Variants in ANKRD33B observed in about 807,000 individuals in gnomAD.
The protein encoded by ANKRD33B is ankyrin repeat domain 33B.
Under a neutral mutation model 21.5 loss-of-function variants are expected in ANKRD33B, and 6 were observed. The ratio of observed to expected loss-of-function variants is 0.28; its 90% CI spans 0.15 to 0.55. The LOEUF (loss-of-function observed/expected upper bound fraction) is 0.55. Among genes scored for constraint, ANKRD33B ranks in the 20% least tolerant of loss-of-function variants. ANKRD33B has a pLI of 0.94. For synonymous variants in ANKRD33B, 347 were observed against 342.4 expected (o/e 1.01, Z -0.15); for missense variants, 698 against 747.2 (o/e 0.93, Z 0.77).
chr5:10,582,118 C>T (rs1011604559), intron 1 of ANKRD33B, among the ~76,000 whole-genome samples: 3 of 152,210 alleles, frequency 2.0e-5, no homozygotes, highest in African/African-American at 2.4e-5. Flanking sequence ...TCCTTCTTAA[C>T]GTATTCCTTT....
chr5:10,609,702 G>T (rs540885775), intron 1 of ANKRD33B, among the ~76,000 whole-genome samples: 178 of 152,114 alleles, frequency 1.2e-3, no homozygotes, highest in African/African-American at 4.1e-3. Flanking sequence ...TGAGGTCAGG[G>T]GTTCGAGACC....
intron 1 of ANKRD33B, among the ~76,000 whole-genome samples, chr5:10,570,903 C>CT (rs11301499): frequency 0.014 from 1,771 of 126,764 alleles, 24 homozygotes; most frequent in African/African-American, 0.041. Context: ...CTCAAATAAC[C>CT]TTTTTTTTTT....
Position 10,639,144 on chromosome 5 carries a change from A to C in ANKRD33B, c.637+976A>C, listed in dbSNP as rs865888852. Among the ~76,000 whole-genome samples the C allele has an allele frequency of 3.3e-4, 18 of 55,038 alleles. 1 individual carries two copies. Among genetic ancestry groups the C allele is most frequent in the East Asian group, 1.2e-3 (2 of 1,672 alleles). 36.1% of individuals were successfully genotyped at this position (55,038 alleles called of 152,430 possible). On this transcript the variant is annotated intron_variant, in intron 3 of 3. Transcript: ENST00000296657. The stretch of plus-strand genomic sequence containing the variant: ...GCGGCGATGTTAGCGGGTGACGCGG[A>C]GTTGCGCGGCGATGTTAGCGGGTGA...
intron 1 of ANKRD33B, among the ~76,000 whole-genome samples, chr5:10,578,425 G>A (rs910559779): frequency 6.6e-6 from 1 of 152,202 alleles, no homozygotes; most frequent in Non-Finnish European, 1.5e-5. Context: ...TATCTGGAAG[G>A]AAGCACTGGA....
intron 1 of ANKRD33B, among the ~76,000 whole-genome samples, chr5:10,592,814 T>C (rs950755922): frequency 3.3e-5 from 5 of 152,098 alleles, no homozygotes; most frequent in African/African-American, 1.2e-4. Context: ...CTACTCTTGG[T>C]TTGTCCATTT....
intron 1 of ANKRD33B, among the ~76,000 whole-genome samples, chr5:10,617,015 C>T (rs911590813): frequency 6.6e-6 from 1 of 152,192 alleles, no homozygotes; most frequent in African/African-American, 2.4e-5. Flanking sequence ...GTAGACTTCT[C>T]TCTGTGTCCT....
At chr5:10,633,174 T>C (rs921318913) in intron 2 of ANKRD33B, among the ~76,000 whole-genome samples, 1 of 149,276 alleles carries the variant, frequency 6.7e-6, no homozygotes, top group Non-Finnish European at 1.5e-5. Context: ...CAATCTTGGC[T>C]CACCGCAACC....
chr5:10,649,145 TAGG>T (rs1737258176), intron 3 of ANKRD33B, 118 bp from the exon 4 acceptor site: 1 of 1,421,914 alleles, frequency 7.0e-7, no homozygotes. Flanking sequence ...TGCAGTCTGT[TAGG>T]AGGCTTGGGG....
At chr5:10,567,094 G>A (rs1735079268) in intron 1 of ANKRD33B, among the ~76,000 whole-genome samples, 1 of 152,184 alleles carries the variant, frequency 6.6e-6, no homozygotes, top group Admixed American at 6.5e-5. Flanking sequence ...ATGTAGGCCC[G>A]GACATAGCCT....
chr5:10,615,960 C>G (rs995872620), intron 1 of ANKRD33B, among the ~76,000 whole-genome samples: 4 of 152,160 alleles, frequency 2.6e-5, no homozygotes, highest in Non-Finnish European at 4.4e-5. Context: ...TTAAGTAGAG[C>G]CTGCCTGCAG....
At chr5:10,571,878 G>A (rs1046179852) in intron 1 of ANKRD33B, among the ~76,000 whole-genome samples, 2 of 133,234 alleles carry the variant, frequency 1.5e-5, no homozygotes, top group African/African-American at 5.5e-5. Flanking sequence ...TAAGGCATCC[G>A]TATTTTCTTT....
chr5:10,648,296 G>A (rs866235215), intron 3 of ANKRD33B, among the ~76,000 whole-genome samples: 2 of 152,214 alleles, frequency 1.3e-5, no homozygotes, highest in African/African-American at 4.8e-5. Flanking sequence ...CAGGACCCAT[G>A]GCAGTCCTCA....
chr5:10,630,617 C>T (rs778893405), intron 2 of ANKRD33B, among the ~76,000 whole-genome samples: 12 of 152,248 alleles, frequency 7.9e-5, no homozygotes, highest in Non-Finnish European at 1.5e-4. Flanking sequence ...CCATAACATG[C>T]GTACATGGGA....
intron 1 of ANKRD33B, among the ~76,000 whole-genome samples, chr5:10,568,825 C>T (rs1016622279): frequency 1.3e-5 from 2 of 152,072 alleles, no homozygotes; most frequent in Non-Finnish European, 2.9e-5. Context: ...TGAGGCACCG[C>T]GCCTGCCCTG....
chr5:10,638,684 G>A (rs1355264414), intron 3 of ANKRD33B, among the ~76,000 whole-genome samples: 1 of 152,034 alleles, frequency 6.6e-6, no homozygotes, highest in Non-Finnish European at 1.5e-5. Context: ...AGGTGACGTG[G>A]AGTTGCATGG....
chr5:10,572,177 C>T (rs1735210862), intron 1 of ANKRD33B, among the ~76,000 whole-genome samples: 1 of 152,208 alleles, frequency 6.6e-6, no homozygotes. Context: ...GCGTGAGCCA[C>T]CACACCCGGC....
intron 1 of ANKRD33B, among the ~76,000 whole-genome samples, chr5:10,572,596 A>G (rs1174882243): frequency 1.3e-5 from 2 of 152,140 alleles, no homozygotes; most frequent in African/African-American, 4.8e-5. Context: ...CCATCCCCAC[A>G]ACACATGGCT....
rs952671346 is a variant in ANKRD33B, at chr5:10,621,341, A to G, written c.496+2879A>G. Among the ~76,000 whole-genome samples, 5 of 152,224 alleles carry G rather than the reference A, an allele frequency of 3.3e-5. No individual in the cohort carries two copies. The South Asian group carries it at 6.2e-4, about 19-fold the overall frequency. ...ATTCACACTAAATGTTATTGCTTCTAGGCATTTCAGTGAGCAGAGTTAGAA... is the reference window on the plus strand; with the variant it reads ...ATTCACACTAAATGTTATTGCTTCTGGGCATTTCAGTGAGCAGAGTTAGAA... On this transcript the variant is annotated intron_variant, in intron 2 of 3. Coordinates refer to ENST00000296657, the MANE Select transcript of ANKRD33B (RefSeq NM_001164440.2).
intron 1 of ANKRD33B, among the ~76,000 whole-genome samples, chr5:10,572,547 C>G (rs1735222128): frequency 6.6e-6 from 1 of 152,158 alleles, no homozygotes; most frequent in African/African-American, 2.4e-5. Flanking sequence ...CGTGGTGGAG[C>G]CAGGAGGCAG....
Sources: allele counts gnomAD v4.1 joint callset (sites outside exome capture counted in the v4.1 genomes callset), GRCh38; gene constraint gnomAD v4.1.1; transcripts MANE v1.5; gene names NCBI Gene and HGNC (gene_info 2026-07-23, HGNC 2026-07-21).